The following PFKFB3 variants were observed in gnomAD, a reference collection of about 807,000 sequenced individuals.
The protein encoded by PFKFB3 is 6-phosphofructo-2-kinase/fructose-2,6-biphosphatase 3.
Under a neutral mutation model 68.0 loss-of-function variants are expected in PFKFB3, and 33 were observed. The observed-to-expected ratio is 0.49, with a 90% CI of 0.37 to 0.65. The LOEUF is 0.65. Among genes scored for constraint, PFKFB3 ranks in the 30% least tolerant of loss-of-function variants. PFKFB3 has a pLI of 0.00. For missense variants in PFKFB3, 586 were observed against 712.2 expected (o/e 0.82, Z 2.02); for synonymous variants, 315 against 288.2 (o/e 1.09, Z -0.94).
exon 15 of PFKFB3, chr10:6,254,552 T>C: frequency 2.5e-6 from 1 of 393,622 alleles, no homozygotes; most frequent in Non-Finnish European, 4.5e-6. Context: ...GAGATACGCA[T>C]TTTGTAGAAG....
intron 1 of PFKFB3, among the ~76,000 whole-genome samples, chr10:6,145,842 T>TC (rs138950960): frequency 0.41 from 61,899 of 152,010 alleles, 12,948 homozygotes; most frequent in African/African-American, 0.47. Context: ...TACCTGGTGT[T>TC]CCTACCCGCA....
chr10:6,192,573 C>T (rs921377858), intron 1 of PFKFB3, among the ~76,000 whole-genome samples: 1 of 152,000 alleles, frequency 6.6e-6, no homozygotes, highest in Non-Finnish European at 1.5e-5. Flanking sequence ...CTTCCCATAC[C>T]CAGCAGAACG....
chr10:6,166,842 T>A (rs1485723901), intron 1 of PFKFB3, among the ~76,000 whole-genome samples: 64 of 112,014 alleles, frequency 5.7e-4, no homozygotes, highest in African/African-American at 1.7e-3. Context: ...TTTTTTTTTT[T>A]ATTTGAGACA....
chr10:6,274,767 T>C, the PFKFB3 span, among the ~76,000 whole-genome samples: 1 of 152,002 alleles, frequency 6.6e-6, no homozygotes, highest in Non-Finnish European at 1.5e-5. Flanking sequence ...GCCCGGGTGG[T>C]CGAGGTTGCA....
intron 1 of PFKFB3, chr10:6,145,155 C>G (rs1236088189): frequency 1.8e-6 from 1 of 557,510 alleles, no homozygotes; most frequent in Non-Finnish European, 2.7e-6. Flanking sequence ...CGGGGCCAAG[C>G]GAGACGCGCT....
chr10:6,293,818 A>AT, the PFKFB3 span: 1 of 410,052 alleles, frequency 2.4e-6, no homozygotes, highest in Non-Finnish European at 5.0e-6. Context: ...TTCACCATTG[A>AT]TTTGGAGTAC....
chr10:6,271,631 G>A, the PFKFB3 span, among the ~76,000 whole-genome samples: 5 of 152,164 alleles, frequency 3.3e-5, no homozygotes, highest in Non-Finnish European at 7.3e-5. Flanking sequence ...AGATGTTCAA[G>A]CCCCAAGCCT....
At chr10:6,249,608 G>T (rs1026495508) in intron 14 of PFKFB3, among the ~76,000 whole-genome samples, 1 of 152,144 alleles carries the variant, frequency 6.6e-6, no homozygotes, top group African/African-American at 2.4e-5. Flanking sequence ...AATACTGCAT[G>T]TCCTCACTTA....
In PFKFB3 at chr10:6,154,412, A is replaced by AT. The variant is rs1486197168; in HGVS notation, c.16+9406dup. Among the ~76,000 whole-genome samples, 1 of 151,938 alleles carries AT rather than the reference A, an allele frequency of 6.6e-6. No individual in the cohort carries two copies. The highest frequency in any genetic ancestry group is 2.4e-5 in the African/African-American group (1 of 41,348). On this transcript the variant is annotated intron_variant, in intron 1 of 14. Coordinates refer to the PFKFB3 transcript ENST00000379789. This position sits in a 1 kb window ranked among gnomAD's most constrained non-coding sequence, Gnocchi z 4.6. ...AGGTGCATGCTACCGCGTCCAGCTAATTTTTTTGTATTTTTAGTAGAGACG... is the reference window on the plus strand; with the variant it reads ...AGGTGCATGCTACCGCGTCCAGCTAATTTTTTTTGTATTTTTAGTAGAGACG...
chr10:6,225,698 C>T (rs1845296456), intron 13 of PFKFB3, among the ~76,000 whole-genome samples: 1 of 142,916 alleles, frequency 7.0e-6, no homozygotes, highest in Non-Finnish European at 1.6e-5. Flanking sequence ...CCTCCGTGCC[C>T]CATCCTAAGC....
In PFKFB3 at chr10:6,228,988, C is replaced by G; in HGVS notation, c.1515+2623C>G. 2.3e-6 allele frequency: 1 copy of G among 436,444 alleles called. No individual in the cohort carries two copies. The highest frequency in any genetic ancestry group is 2.5e-5 in the Admixed American group (1 of 40,464). The allele number at this position is 436,444 out of a possible 1,614,324, so 27.0% of individuals were successfully genotyped here. On this transcript the variant is annotated intron_variant, in intron 14 of 14. Transcript: ENST00000379775. This position sits in a 1 kb window ranked among gnomAD's most constrained non-coding sequence, Gnocchi z 4.5. ...ATCCCTTCCCCACCAGGAGCAGAGG[C>G]CTTCCTGCCACAGAACTTTAATGAC...
chr10:6,196,438 G>A (rs1163969325), intron 1 of PFKFB3, among the ~76,000 whole-genome samples: 2 of 152,158 alleles, frequency 1.3e-5, no homozygotes, highest in African/African-American at 4.8e-5. Context: ...TCCACAATAG[G>A]CCGTCTGCAA....
Position 6,221,643 on chromosome 10 carries a change from C to T in PFKFB3, c.981C>T (p.Gly327=), listed in dbSNP as rs148105023. The T allele has an allele frequency of 1.6e-5, 25 of 1,610,324 alleles. No individual in the cohort carries two copies. Among genetic ancestry groups the T allele is most frequent in the African/African-American group, 5.3e-5 (4 of 75,006 alleles). The change falls in exon 10 of 15, where the codon GGC becomes GGT. Residue 327 remains glycine, a splice_region_variant and synonymous_variant. Coordinates refer to ENST00000379775, the MANE Select transcript of PFKFB3 (RefSeq NM_004566.4). ...GAGTGACCACTGGGTCCCCGCAGGG[C>T]GTCTGTGAGGAGCTGACCTACGAGG... ...QWKALNEIDA[G]VCEELTYEEI...
At chr10:6,298,256 AG>A in the PFKFB3 span, among the ~76,000 whole-genome samples, 1 of 151,988 alleles carries the variant, frequency 6.6e-6, no homozygotes, top group African/African-American at 2.4e-5. Context: ...TGCTTCTCCT[AG>A]GGTAACCTCG....
rs369264886 is a variant in PFKFB3 at position 6,156,054 on chromosome 10, A to ATTCCATCC, written c.16+11043_16+11050dup. On this transcript the variant is annotated intron_variant, in intron 1 of 14. Transcript: ENST00000379789. ...ACTTTTGGAGTCTCCAATGTCTATT[A>ATTCCATCC]TTCCATCCTGTGTGTCTGTGTGTTA... 4.6e-5 allele frequency among the ~76,000 whole-genome samples: 7 copies of ATTCCATCC among 151,966 alleles called. 1 individual carries two copies. Among genetic ancestry groups the ATTCCATCC allele is most frequent in the African/African-American group, 1.7e-4 (7 of 41,360 alleles).
At chr10:6,225,062 A>C (rs1845244599) in intron 13 of PFKFB3, 1 of 453,396 alleles carries the variant, frequency 2.2e-6, no homozygotes, top group Non-Finnish European at 4.4e-6. Context: ...GGGAGGCCTG[A>C]CATTTGGAGG....
At chr10:6,280,333 C>T in the PFKFB3 span, among the ~76,000 whole-genome samples, 4 of 152,200 alleles carry the variant, frequency 2.6e-5, no homozygotes, top group African/African-American at 7.2e-5. Flanking sequence ...CTTGATGGTA[C>T]GATTGGGCAT....
chr10:6,192,325 G>T lies in PFKFB3; in HGVS notation c.17-21298G>T, dbSNP rs193192974. Among the ~76,000 whole-genome samples the T allele has an allele frequency of 2.9e-3, 433 of 150,280 alleles. 3 individuals are homozygous for T. Among genetic ancestry groups the T allele is most frequent in the African/African-American group, 9.5e-3 (387 of 40,864 alleles). On this transcript the variant is annotated intron_variant, in intron 1 of 14. Coordinates refer to the PFKFB3 transcript ENST00000379789. ...TTTCCTAACATCTCGTCAGCAGCTA[G>T]CATCGCTGTCCAAAACCTGCCCGTT... is the stretch of plus-strand genomic sequence containing the variant.
chr10:6,273,594 C>T, the PFKFB3 span, among the ~76,000 whole-genome samples: 7 of 152,162 alleles, frequency 4.6e-5, no homozygotes, highest in Admixed American at 4.6e-4. Flanking sequence ...TGCATCCCTG[C>T]CAAAAACAGC....
Sources: gnomAD v4.1 joint callset for allele counts (sites outside exome capture counted in the v4.1 genomes callset) on GRCh38, gnomAD v4.1.1 for gene constraint, Gnocchi (gnomAD v3.1) non-coding constraint, MANE v1.5 for transcripts, NCBI Gene and HGNC (gene_info 2026-07-23, HGNC 2026-07-21) for gene names.